DPYSL2: variants seen among roughly 807,000 people sequenced by gnomAD.
DPYSL2 encodes dihydropyrimidinase-related protein 2.
A neutral mutation model predicts 69.9 loss-of-function variants in DPYSL2; 13 were observed. That is an observed-to-expected ratio of 0.19 (90% confidence interval 0.12 to 0.30). The LOEUF is 0.30. Among genes scored for constraint, DPYSL2 ranks in the 10% least tolerant of loss-of-function variants. The probability of loss-of-function intolerance (pLI) is 1.00; values close to 1 mark genes in which losing one functional copy is unlikely to be tolerated. For missense variants in DPYSL2, 587 were observed against 918.9 expected (o/e 0.64, Z 4.67); for synonymous variants, 326 against 359.1 (o/e 0.91, Z 1.04).
intron 1 of DPYSL2, among the ~76,000 whole-genome samples, chr8:26,552,270 C>T (rs965115228): frequency 9.9e-5 from 15 of 152,058 alleles, no homozygotes; most frequent in South Asian, 2.1e-4. Flanking sequence ...TACCATTAAA[C>T]GCATATATTA....
rs10081438 is a variant in DPYSL2, at chr8:26,533,236, G to T, written c.354+18557G>T. On this transcript the variant is annotated intron_variant, in intron 1 of 13. Transcript: ENST00000521913. This position sits in a 1 kb window ranked among gnomAD's most constrained non-coding sequence, Gnocchi z 4.8. ...TAAGTTGGAATATTTGCCATTTTGT[G>T]GTTGAGCTGTAAGAGTTCTTTATAT... Among the ~76,000 whole-genome samples the T allele has an allele frequency of 0.83, 126,970 of 152,158 alleles. 54,248 individuals are homozygous for T. Among genetic ancestry groups the T allele is most frequent in the East Asian group, 0.99 (5,134 of 5,190 alleles).
intron 1 of DPYSL2, among the ~76,000 whole-genome samples, chr8:26,561,365 G>T (rs184164830): frequency 3.3e-4 from 50 of 152,222 alleles, no homozygotes; most frequent in African/African-American, 8.7e-4. Context: ...AGCTGGTGTC[G>T]TAGAATTATT....
rs1184120238 is a variant in DPYSL2 at position 26,529,284 on chromosome 8, T to TATCTATCTATC, written c.354+14606_354+14616dup. ...TCTATCTATCTATCTATCATCTATCTATCTATCTATCTATCTATCATCTAT... is the reference window on the plus strand; with the variant it reads ...TCTATCTATCTATCTATCATCTATCTATCTATCTATCATCTATCTATCTATCTATCATCTAT... On this transcript the variant is annotated intron_variant, in intron 1 of 13. Transcript: ENST00000521913. 1.0e-4 allele frequency among the ~76,000 whole-genome samples: 8 copies of TATCTATCTATC among 77,386 alleles called. No individual in the cohort carries two copies. In the South Asian group the frequency reaches 1.8e-3, roughly 18 times the overall value. 50.8% of individuals were successfully genotyped at this position (77,386 alleles called of 152,430 possible). A position where few individuals can be genotyped will look rare whatever the true frequency, so the allele number is the denominator to read the frequency against.
At chr8:26,578,528 C>T (rs1368170491) in intron 1 of DPYSL2, 1 of 1,412,748 alleles carries the variant, frequency 7.1e-7, no homozygotes, top group Non-Finnish European at 9.2e-7. Context: ...ACGAAGGTAG[C>T]CTTAGGTAAC....
chr8:26,577,991 CCTT>C (rs1404275052), intron 1 of DPYSL2: 6 of 1,297,360 alleles, frequency 4.6e-6, no homozygotes, highest in African/African-American at 1.8e-5. Context: ...TTCTCTCTCT[CCTT>C]CTCTCTCTCT....
At position 26,650,038 on chromosome 8, in the gene DPYSL2, G is replaced by C. The variant is rs1803250514; in HGVS notation, c.1597-2219G>C. On this transcript the variant is annotated intron_variant, in intron 11 of 13. Coordinates refer to ENST00000521913, the MANE Select transcript of DPYSL2 (RefSeq NM_001197293.3). The surrounding 1 kb of genome is among the most constrained non-coding windows in gnomAD (Gnocchi z 5.3). Reference sequence around the variant, plus strand: ...TGTGTGAGATCTTGGATGCTGCAGGGCTGGCAAGTGTTAGCAAAGTGCAAT... The same window carrying C: ...TGTGTGAGATCTTGGATGCTGCAGGCCTGGCAAGTGTTAGCAAAGTGCAAT... Among the ~76,000 whole-genome samples the C allele has an allele frequency of 6.6e-6, 1 of 152,188 alleles. No homozygotes were observed. The highest frequency in any genetic ancestry group is 2.1e-4 in the South Asian group (1 of 4,822).
chr8:26,591,662 G>C lies in DPYSL2; in HGVS notation c.628+7679G>C, dbSNP rs1177702534. Among the ~76,000 whole-genome samples, 1 of 152,194 alleles carries C rather than the reference G, an allele frequency of 6.6e-6. No individual in the cohort carries two copies. The highest frequency in any genetic ancestry group is 2.4e-5 in the African/African-American group (1 of 41,462). ...ACCTTGCGTGGAACCCCCTCCACCT[G>C]AGATATGAGACTGATGAATGCAGAA... is the stretch of plus-strand genomic sequence containing the variant. On this transcript the variant is annotated intron_variant, in intron 3 of 13. Coordinates refer to ENST00000521913, the MANE Select transcript of DPYSL2 (RefSeq NM_001197293.3). This position sits in a 1 kb window ranked among gnomAD's most constrained non-coding sequence, Gnocchi z 5.8.
At chr8:26,596,323 T>G (rs1459705863) in intron 3 of DPYSL2, among the ~76,000 whole-genome samples, 2 of 152,218 alleles carry the variant, frequency 1.3e-5, no homozygotes. Context: ...ACGAATACAC[T>G]TCTATATCCT....
At chr8:26,524,914 G>C (rs1808452424) in intron 1 of DPYSL2, among the ~76,000 whole-genome samples, 1 of 149,260 alleles carries the variant, frequency 6.7e-6, no homozygotes, top group Non-Finnish European at 1.5e-5. Context: ...CAAGTTTATA[G>C]GTGGCAAATA....
At chr8:26,633,522 C>T (rs1450038748) in intron 7 of DPYSL2, among the ~76,000 whole-genome samples, 1 of 152,196 alleles carries the variant, frequency 6.6e-6, no homozygotes, top group Non-Finnish European at 1.5e-5. Context: ...GTCTGGAGTG[C>T]AGTGGCGCCA....
chr8:26,544,426 A>G (rs981872306), intron 1 of DPYSL2, among the ~76,000 whole-genome samples: 2 of 152,380 alleles, frequency 1.3e-5, no homozygotes, highest in Non-Finnish European at 2.9e-5. Context: ...AAGGATATTT[A>G]CAAAGTGTGT....
chr8:26,643,100 G>C lies in DPYSL2; in HGVS notation c.1127-339G>C, dbSNP rs565961478. The C allele has an allele frequency of 2.2e-4, 54 of 243,954 alleles. No homozygotes were observed. The highest frequency in any genetic ancestry group is 2.4e-5 in the Non-Finnish European group (3 of 127,384). 15.1% of individuals were successfully genotyped at this position (243,954 alleles called of 1,614,324 possible). ...AAAGAACAGTCCAGATGGCACCTGG[G>C]ACCGGATGCCTGGACACCATCCGAG... On this transcript the variant is annotated intron_variant, in intron 8 of 13. Transcript: ENST00000521913. The surrounding 1 kb of genome is among the most constrained non-coding windows in gnomAD (Gnocchi z 6.5).
intron 1 of DPYSL2, among the ~76,000 whole-genome samples, chr8:26,534,380 A>C (rs1012640749): frequency 1.6e-4 from 24 of 151,930 alleles, no homozygotes; most frequent in Non-Finnish European, 2.8e-4. Context: ...GCTGGTCTCG[A>C]ACTCCTGGGC....
intron 1 of DPYSL2, among the ~76,000 whole-genome samples, chr8:26,567,135 A>AACAT (rs951999898): frequency 1.2e-4 from 18 of 145,298 alleles, no homozygotes; most frequent in Non-Finnish European, 1.7e-4. Context: ...CATCCATACA[A>AACAT]ACATACATAC....
chr8:26,622,002 G>A (rs1802491299), intron 3 of DPYSL2, among the ~76,000 whole-genome samples: 1 of 152,180 alleles, frequency 6.6e-6, no homozygotes, highest in South Asian at 2.1e-4. Context: ...AAGAGATGAA[G>A]CCAGGGGAGT....
Position 26,646,898 on chromosome 8 carries a change from G to A in DPYSL2, c.1426-732G>A, listed in dbSNP as rs150527603. On this transcript the variant is annotated intron_variant, in intron 10 of 13. Coordinates refer to ENST00000521913, the MANE Select transcript of DPYSL2 (RefSeq NM_001197293.3). ...CTCAAGAGGCTGAAAGAGGAGGATT[G>A]CTTGAGCCTGAGAGGCCGAGGCTGC... Among the ~76,000 whole-genome samples the A allele has an allele frequency of 6.2e-3, 949 of 152,044 alleles. 5 individuals carry two copies. The highest frequency in any genetic ancestry group is 0.01 in the Non-Finnish European group (696 of 67,984).
chr8:26,534,710 G>T (rs924836309), intron 1 of DPYSL2, among the ~76,000 whole-genome samples: 3 of 151,060 alleles, frequency 2.0e-5, no homozygotes, highest in African/African-American at 7.3e-5. Context: ...ATAGCTCACT[G>T]CAGCCTTGAA....
intron 3 of DPYSL2, among the ~76,000 whole-genome samples, chr8:26,623,072 G>T (rs1390904269): frequency 6.6e-6 from 1 of 152,148 alleles, no homozygotes; most frequent in Non-Finnish European, 1.5e-5. Context: ...AATAGTCCTG[G>T]TAATCCTCCT....
At position 26,533,681 on chromosome 8, in the gene DPYSL2, A is replaced by G. The variant is rs1156383521; in HGVS notation, c.354+19002A>G. Among the ~76,000 whole-genome samples, 1 of 152,230 alleles carries G rather than the reference A, an allele frequency of 6.6e-6. No homozygotes were observed. Among genetic ancestry groups the G allele is most frequent in the Non-Finnish European group, 1.5e-5 (1 of 68,052 alleles). ...AAACATTGCCACACAGCATTAGAGAAACCACTGGTGCCAAAAAGGCTGCAT... is the reference window on the plus strand; with the variant it reads ...AAACATTGCCACACAGCATTAGAGAGACCACTGGTGCCAAAAAGGCTGCAT... On this transcript the variant is annotated intron_variant, in intron 1 of 13. Coordinates refer to ENST00000521913, the MANE Select transcript of DPYSL2 (RefSeq NM_001197293.3). The surrounding 1 kb of genome is among the most constrained non-coding windows in gnomAD (Gnocchi z 4.8).
Sources: allele counts gnomAD v4.1 joint callset (sites outside exome capture counted in the v4.1 genomes callset), GRCh38; gene constraint gnomAD v4.1.1; non-coding constraint Gnocchi (gnomAD v3.1); transcripts MANE v1.5; gene names NCBI Gene and HGNC (gene_info 2026-07-23, HGNC 2026-07-21).